The following NUP214 variants were observed in gnomAD, a reference collection of about 807,000 sequenced individuals.
The protein encoded by NUP214 is nucleoporin 214.
NUP214 carries 79 observed loss-of-function variants against 196.2 expected under a neutral mutation model. That is an observed-to-expected ratio of 0.40 (90% CI 0.34 to 0.49). The LOEUF (loss-of-function observed/expected upper bound fraction) is 0.49. NUP214 is among the 20% of genes least tolerant of loss of function. The probability of loss-of-function intolerance (pLI) is 0.58; values close to 1 mark genes in which losing one functional copy is unlikely to be tolerated. For missense variants in NUP214, 2,468 were observed against 2,539.0 expected, an observed-to-expected ratio of 0.97 and a Z score of 0.60; for synonymous variants, 1,020 against 990.5, an observed-to-expected ratio of 1.03 and a Z score of -0.56.
intron 17 of NUP214, 68 bp from the exon 18 acceptor site, chr9:131,159,315 G>A (rs1832554493): frequency 9.2e-7 from 1 of 1,081,126 alleles, no homozygotes; most frequent in African/African-American, 1.6e-5. Flanking sequence ...TCTTTTGACT[G>A]TTTTGATACA....
chr9:131,157,444 G>A (rs946650838), intron 17 of NUP214, among the ~76,000 whole-genome samples: 2 of 145,798 alleles, frequency 1.4e-5, no homozygotes, highest in Non-Finnish European at 3.0e-5. Context: ...ACAGGTGTGA[G>A]CCACTGTGTC....
intron 21 of NUP214, among the ~76,000 whole-genome samples, chr9:131,170,584 AT>A (rs1030639956): frequency 2.6e-5 from 4 of 151,830 alleles, no homozygotes; most frequent in Non-Finnish European, 5.9e-5. Context: ...ATAATGGTAG[AT>A]TTTTTTTCCT....
intron 1 of NUP214, among the ~76,000 whole-genome samples, chr9:131,127,298 G>A (rs1335653286): frequency 3.3e-5 from 5 of 152,140 alleles, no homozygotes; most frequent in African/African-American, 7.2e-5. Context: ...CAGGAGAATC[G>A]CTTGAACCTG....
intron 21 of NUP214, among the ~76,000 whole-genome samples, chr9:131,166,331 G>C (rs1280784871): frequency 6.6e-6 from 1 of 152,072 alleles, no homozygotes; most frequent in Non-Finnish European, 1.5e-5. Flanking sequence ...GCCCACATCA[G>C]ATTATATATT....
chr9:131,145,447 C>T (rs1417835921), intron 12 of NUP214, among the ~76,000 whole-genome samples: 1 of 152,082 alleles, frequency 6.6e-6, no homozygotes. Context: ...AGCTTTTTCC[C>T]TACTTGCCTG....
At chr9:131,197,116 G>T in intron 28 of NUP214, 100 bp from the exon 29 acceptor site, 1 of 1,514,774 alleles carries the variant, frequency 6.6e-7, no homozygotes, top group East Asian at 2.3e-5. Context: ...ACTCTGTAGA[G>T]GGAGGAGAGA....
At chr9:131,156,002 C>G (rs1453497098) in intron 17 of NUP214, among the ~76,000 whole-genome samples, 3 of 151,884 alleles carry the variant, frequency 2.0e-5, no homozygotes, top group African/African-American at 7.3e-5. Context: ...ATTGTTTTTT[C>G]TAGTTCTGTG....
intron 21 of NUP214, among the ~76,000 whole-genome samples, chr9:131,173,159 C>A (rs914042637): frequency 4.6e-5 from 7 of 152,100 alleles, no homozygotes; most frequent in African/African-American, 1.4e-4. Flanking sequence ...CGGGTTCAAG[C>A]GATTCTCCTG....
At chr9:131,202,102 T>G (rs1425945449) in intron 30 of NUP214, among the ~76,000 whole-genome samples, 3 of 152,162 alleles carry the variant, frequency 2.0e-5, no homozygotes, top group Admixed American at 6.6e-5. Flanking sequence ...TAGTTTGGAT[T>G]GTAGGCATGC....
Position 131,139,530 on chromosome 9 carries a change from A to G in NUP214, c.1132+123A>G, listed in dbSNP as rs1831846610. On this transcript the variant is annotated intron_variant, in intron 10 of 35. Transcript: ENST00000359428. ...CTGGGCACTTGTAGCTTCTGGCAGC[A>G]CATTTCTCCCTGAAGAGTGATAACA... 8 of 1,404,726 alleles carry G rather than the reference A, an allele frequency of 5.7e-6. No homozygotes were observed. The South Asian group carries it at 9.4e-5, about 17-fold the overall frequency. The allele number at this position is 1,404,726 out of a possible 1,614,324, so 87.0% of individuals were successfully genotyped here.
intron 5 of NUP214, among the ~76,000 whole-genome samples, chr9:131,131,486 ACTGTT>A (rs1435384009): frequency 6.6e-6 from 1 of 152,112 alleles, no homozygotes; most frequent in African/African-American, 2.4e-5. Context: ...CCTCCTCAAG[ACTGTT>A]CTCTGGCGAG....
chr9:131,131,635 A>T (rs957792255), intron 5 of NUP214, among the ~76,000 whole-genome samples: 1 of 152,110 alleles, frequency 6.6e-6, no homozygotes, highest in Non-Finnish European at 1.5e-5. Flanking sequence ...AAGATAATGC[A>T]ATTTTTTAAA....
At chr9:131,222,159 C>T (rs1301080259) in intron 31 of NUP214, among the ~76,000 whole-genome samples, 2 of 152,202 alleles carry the variant, frequency 1.3e-5, no homozygotes, top group African/African-American at 4.8e-5. Flanking sequence ...CTTTAACATT[C>T]TTCAGACCAT....
chr9:131,133,302 G>GTTTTTT, intron 7 of NUP214, 93 bp downstream of exon 7: 2 of 500,316 alleles, frequency 4.0e-6, no homozygotes, highest in Non-Finnish European at 3.1e-6. Flanking sequence ...TTTTGTGTTT[G>GTTTTTT]TGTTTTTTTT....
At chr9:131,183,547 A>T (rs2131016336) in intron 24 of NUP214, among the ~76,000 whole-genome samples, 1 of 152,274 alleles carries the variant, frequency 6.6e-6, no homozygotes, top group South Asian at 2.1e-4. Flanking sequence ...CTTGAGGTTC[A>T]TATCTGAATT....
At chr9:131,181,453 A>G (rs923897670) in intron 24 of NUP214, among the ~76,000 whole-genome samples, 1 of 152,094 alleles carries the variant, frequency 6.6e-6, no homozygotes, top group East Asian at 1.9e-4. Flanking sequence ...ACAGCAATGT[A>G]TGGGGGTTCC....
In NUP214 at chr9:131,197,299, CCT is replaced by C. The variant is rs1426136776; in HGVS notation, c.3806_3807del (p.Pro1269ArgfsTer23). The C allele has an allele frequency of 6.2e-7, 1 of 1,614,078 alleles. No homozygotes were observed. Among genetic ancestry groups the C allele is most frequent in the Non-Finnish European group, 8.5e-7 (1 of 1,180,046 alleles). ...GGSKPSYEAI[P>X]ESSPPSGITS... ...AAGCAAACCTTCTTATGAGGCCATTCCTGAAAGCTCACCTCCCTCAGGAATCA... is the reference window on the plus strand; with the variant it reads ...AAGCAAACCTTCTTATGAGGCCATTCGAAAGCTCACCTCCCTCAGGAATCA... On this transcript the variant is annotated frameshift_variant, in exon 29 of 36. Coordinates refer to ENST00000359428, the MANE Select transcript of NUP214 (RefSeq NM_005085.4). LOFTEE classifies it high-confidence loss of function.
intron 21 of NUP214, among the ~76,000 whole-genome samples, chr9:131,171,601 G>T (rs1050370889): frequency 4.3e-5 from 6 of 139,932 alleles, no homozygotes; most frequent in Non-Finnish European, 9.1e-5. Flanking sequence ...TGTGCACAAT[G>T]TGCAGGTTAG....
At position 131,215,325 on chromosome 9, in the gene NUP214, A is replaced by C; in HGVS notation, c.5706A>C (p.Pro1902=). 6.2e-7 allele frequency: 1 copy of C among 1,606,520 alleles called. No homozygotes were observed. The highest frequency in any genetic ancestry group is 8.5e-7 in the Non-Finnish European group (1 of 1,176,490). ...GTCAGGATGCAGCCAACAAAAACCC[A>C]TTCAGCTCGGCCAGTGGGGGCTTTG... is the stretch of plus-strand genomic sequence containing the variant. The part of the protein sequence containing the change: ...KPSQDAANKN[P]FSSASGGFGS... Residue 1902 remains proline, a synonymous_variant, in exon 31 of 36, where the codon CCA becomes CCC. Coordinates refer to ENST00000359428, the MANE Select transcript of NUP214 (RefSeq NM_005085.4).
Sources: gnomAD v4.1 joint callset for allele counts (sites outside exome capture counted in the v4.1 genomes callset) on GRCh38, gnomAD v4.1.1 for gene constraint, MANE v1.5 for transcripts, NCBI Gene and HGNC (gene_info 2026-07-23, HGNC 2026-07-21) for gene names.